Variants in KLRC2 observed in about 807,000 individuals in gnomAD.
KLRC2 encodes NKG2-C type II integral membrane protein.
Under a neutral mutation model 25.5 loss-of-function variants are expected in KLRC2, and 10 were observed. That is an observed-to-expected ratio of 0.39 (90% CI 0.24 to 0.67). The LOEUF (loss-of-function observed/expected upper bound fraction) is 0.67, where lower values mean the gene tolerates loss of function less well. Ranked by LOEUF, KLRC2 falls within the 30% of genes least tolerant of loss-of-function variation. The pLI is 0.45. For synonymous variants in KLRC2, 48 were observed against 93.3 expected (o/e 0.51, Z 2.80); for missense variants, 170 against 272.8 (o/e 0.62, Z 2.65).
Position 10,432,160 on chromosome 12 carries a change from C to G in KLRC2, c.530G>C (p.Arg177Pro). ...CACCCATGGATGATGACTGCTGTTA[C>G]GAAACACACCAATCCATGAGGAAGG... ...ILPSSWIGVF[R>P]NSSHHPWVTI... The change falls in exon 5 of 6, where the codon CGT becomes CCT. Residue 177 changes from arginine to proline, a missense_variant. This residue lies in a region of KLRC2 where 129 missense variants were observed against 150.2 expected (regional missense o/e 0.86). Transcript: ENST00000381902. The G allele has an allele frequency of 6.6e-7, 1 of 1,519,612 alleles. No individual in the cohort carries two copies. Among genetic ancestry groups the G allele is most frequent in the Non-Finnish European group, 8.9e-7 (1 of 1,118,600 alleles). 94.1% of individuals were successfully genotyped at this position (1,519,612 alleles called of 1,614,324 possible).
rs1863808934 is a variant in KLRC2 at position 10,431,259 on chromosome 12, C to T, written c.585-31G>A. 6 of 1,516,550 alleles carry T rather than the reference C, an allele frequency of 4.0e-6. 1 individual carries two copies. In the East Asian group the frequency reaches 1.5e-4, roughly 37 times the overall value. The allele number at this position is 1,516,550 out of a possible 1,614,324, so 93.9% of individuals were successfully genotyped here. A position where few individuals can be genotyped will look rare whatever the true frequency, so the allele number is the denominator to read the frequency against. On this transcript the variant is annotated intron_variant, in intron 5 of 5. Transcript: ENST00000381902. ...ATGGAGAAAAATCCATTTTCTGTTACATTTTAAGCAAATGATTCATGAGAC... is the reference window on the plus strand; with the variant it reads ...ATGGAGAAAAATCCATTTTCTGTTATATTTTAAGCAAATGATTCATGAGAC...
At chr12:10,432,807 A>G (rs1241333958) in intron 4 of KLRC2, among the ~76,000 whole-genome samples, 1 of 134,722 alleles carries the variant, frequency 7.4e-6, no homozygotes, top group East Asian at 2.3e-4. Flanking sequence ...GAAAGATGAA[A>G]TTGTCTGGGA....
chr12:10,432,552 G>C (rs1863826735), intron 4 of KLRC2, among the ~76,000 whole-genome samples: 2 of 134,662 alleles, frequency 1.5e-5, no homozygotes, highest in Admixed American at 1.5e-4. Flanking sequence ...ATTTAGAAGG[G>C]AATTGAGGGG....
chr12:10,433,769 G>T lies in KLRC2; in HGVS notation c.483+22C>A, dbSNP rs1237236157. ...CACTGAAGGAAGCTTTTCATAAAAT[G>T]TTTGAAACATTTACATCTTACCATT... On this transcript the variant is annotated intron_variant, in intron 4 of 5. Coordinates refer to ENST00000381902, the MANE Select transcript of KLRC2 (RefSeq NM_002260.4). The T allele has an allele frequency of 2.6e-6, 4 of 1,543,058 alleles. 1 individual carries two copies. Among genetic ancestry groups the T allele is most frequent in the Non-Finnish European group, 3.5e-6 (4 of 1,131,242 alleles).
chr12:10,435,050 A>T lies in KLRC2; in HGVS notation c.286+262T>A, dbSNP rs1371148855. On this transcript the variant is annotated intron_variant, in intron 2 of 5. Coordinates refer to ENST00000381902, the MANE Select transcript of KLRC2 (RefSeq NM_002260.4). The stretch of plus-strand genomic sequence containing the variant: ...TGTTCTGCTCCAGGACTGTAACAGA[A>T]AAATTAAAATGATTTTTATAAAAAG... The T allele has an allele frequency of 5.7e-5, 63 of 1,097,166 alleles. 2 individuals carry two copies. Among genetic ancestry groups the T allele is most frequent in the Non-Finnish European group, 7.1e-5 (59 of 832,794 alleles). 68.0% of individuals were successfully genotyped at this position (1,097,166 alleles called of 1,614,324 possible).
rs1278440084 is a variant in KLRC2, at chr12:10,432,994, T to A, written c.484-788A>T. ...AGGCTGGTGCCACTGGCAAGGATGATCTACCAGGAGACCTGCTACCAATAT... is the reference window on the plus strand; with the variant it reads ...AGGCTGGTGCCACTGGCAAGGATGAACTACCAGGAGACCTGCTACCAATAT... On this transcript the variant is annotated intron_variant, in intron 4 of 5. Coordinates refer to ENST00000381902, the MANE Select transcript of KLRC2 (RefSeq NM_002260.4). Among the ~76,000 whole-genome samples the A allele has an allele frequency of 5.0e-5, 7 of 140,506 alleles. 2 individuals are homozygous for A. The highest frequency in any genetic ancestry group is 1.1e-4 in the Non-Finnish European group (7 of 64,276). The allele number at this position is 140,506 out of a possible 152,430, so 92.2% of individuals were successfully genotyped here.
chr12:10,432,028 C>T (rs1271910752), intron 5 of KLRC2, 78 bp downstream of exon 5: 10 of 1,136,862 alleles, frequency 8.8e-6, no homozygotes, highest in South Asian at 5.9e-5. Flanking sequence ...AATGATTCCA[C>T]ATAAATTTAT....
At chr12:10,431,989 C>A in intron 5 of KLRC2, 117 bp downstream of exon 5, 2 of 915,530 alleles carry the variant, frequency 2.2e-6, no homozygotes, top group Non-Finnish European at 3.1e-6. Context: ...ATCAACATTT[C>A]ACTAACTTTC....
rs879127488 is a variant in KLRC2, at chr12:10,431,935, G to A, written c.584+171C>T. The stretch of plus-strand genomic sequence containing the variant: ...GAAGGTTACTAGCAGACCAATGAGC[G>A]GTTGAAATATATGGACTACTATGGT... On this transcript the variant is annotated intron_variant, in intron 5 of 5. Transcript: ENST00000381902. Among the ~76,000 whole-genome samples, 12 of 140,866 alleles carry A rather than the reference G, an allele frequency of 8.5e-5. 2 individuals carry two copies. The highest frequency in any genetic ancestry group is 6.3e-4 in the Admixed American group (9 of 14,370). 92.4% of individuals were successfully genotyped at this position (140,866 alleles called of 152,430 possible). A position where few individuals can be genotyped will look rare whatever the true frequency, so the allele number is the denominator to read the frequency against.
intron 4 of KLRC2, among the ~76,000 whole-genome samples, chr12:10,432,817 A>T (rs1217024690): frequency 7.4e-6 from 1 of 134,596 alleles, no homozygotes; most frequent in African/African-American, 2.9e-5. Context: ...ATTGTCTGGG[A>T]CCCTAGCATC....
intron 5 of KLRC2, 111 bp downstream of exon 5, chr12:10,431,995 C>A (rs1290967287): frequency 2.1e-6 from 2 of 959,256 alleles, no homozygotes; most frequent in East Asian, 6.5e-5. Flanking sequence ...ATTTCACTAA[C>A]TTTCCACATC....
rs28403159 is a variant in KLRC2 at position 10,435,982 on chromosome 12, T to A, written c.5A>T (p.Asn2Ile). The change falls in exon 1 of 6, where the codon AAT (asparagine) becomes ATT (isoleucine). Residue 2 changes from asparagine to isoleucine, a missense_variant. Around this residue, in one of 3 missense-constraint regions of KLRC2, gnomAD observed 37 missense variants for 68.0 expected, o/e 0.54. Transcript: ENST00000381902. ...TTCTGAGAAGGTTCCTCTTTGTTTA[T>A]TCATCTCTGCAGCTGTGTGATGTGA... M[N>I]KQRGTFSEVS... 7.1e-7 allele frequency: 1 copy of A among 1,416,574 alleles called. No individual in the cohort carries two copies. Among genetic ancestry groups the A allele is most frequent in the African/African-American group, 1.4e-5 (1 of 69,006 alleles). 87.8% of individuals were successfully genotyped at this position (1,416,574 alleles called of 1,614,324 possible).
chr12:10,431,992 T>C, intron 5 of KLRC2, 114 bp downstream of exon 5: 1 of 944,306 alleles, frequency 1.1e-6, no homozygotes, highest in South Asian at 1.8e-5. Context: ...AACATTTCAC[T>C]AACTTTCCAC....
Position 10,434,094 on chromosome 12 carries a change from T to G in KLRC2, c.332-152A>C. The G allele has an allele frequency of 1.6e-6, 2 of 1,219,888 alleles. 1 individual carries two copies. Among genetic ancestry groups the G allele is most frequent in the Middle Eastern group, 4.1e-4 (2 of 4,904 alleles). The allele number at this position is 1,219,888 out of a possible 1,614,324, so 75.6% of individuals were successfully genotyped here. A position where few individuals can be genotyped will look rare whatever the true frequency, so the allele number is the denominator to read the frequency against. On this transcript the variant is annotated intron_variant, in intron 3 of 5. Coordinates refer to ENST00000381902, the MANE Select transcript of KLRC2 (RefSeq NM_002260.4). ...TGTATATTTTTAATAACTGAGTCAG[T>G]CATACACACATGCACAGACAAGGGT...
At position 10,433,095 on chromosome 12, in the gene KLRC2, AC is replaced by A. The variant is rs200431542; in HGVS notation, c.483+695del. ...GTGGATGAGGAGGATCAGCAAAGGGACCCCATGACTAACAGTGCACCGTAAA... is the reference window on the plus strand; with the variant it reads ...GTGGATGAGGAGGATCAGCAAAGGGACCCATGACTAACAGTGCACCGTAAA... On this transcript the variant is annotated intron_variant, in intron 4 of 5. Transcript: ENST00000381902. 7.4e-4 allele frequency among the ~76,000 whole-genome samples: 104 copies of A among 140,872 alleles called. 16 individuals carry two copies. The East Asian group carries it at 0.021, about 28-fold the overall frequency. 92.4% of individuals were successfully genotyped at this position (140,872 alleles called of 152,430 possible).
chr12:10,433,656 GTCAA>G lies in KLRC2; in HGVS notation c.483+131_483+134del. 3.0e-6 allele frequency: 3 copies of G among 1,011,134 alleles called. 1 individual carries two copies. Among genetic ancestry groups the G allele is most frequent in the South Asian group, 3.4e-5 (2 of 58,902 alleles). 62.6% of individuals were successfully genotyped at this position (1,011,134 alleles called of 1,614,324 possible). ...TATATAACTTTAAAAACATTATTAA[GTCAA>G]TCAATTGAATATTACATACACTTGA... On this transcript the variant is annotated intron_variant, in intron 4 of 5. Coordinates refer to ENST00000381902, the MANE Select transcript of KLRC2 (RefSeq NM_002260.4).
At position 10,433,803 on chromosome 12, in the gene KLRC2, A is replaced by G. The variant is rs1863840408; in HGVS notation, c.471T>C (p.Asn157=). ...SKNSSLLSID[N]EEEMKFLASI... Reference sequence around the variant, plus strand: ...ATTTACATCTTACCATTTCTTCTTCATTATCTATAGAAAGCAGACTGGAGT... The same window carrying G: ...ATTTACATCTTACCATTTCTTCTTCGTTATCTATAGAAAGCAGACTGGAGT... The change falls in exon 4 of 6, where the codon AAT becomes AAC. Residue 157 remains asparagine (N), a synonymous_variant. Coordinates refer to ENST00000381902, the MANE Select transcript of KLRC2 (RefSeq NM_002260.4). 4 of 1,549,064 alleles carry G rather than the reference A, an allele frequency of 2.6e-6. No individual in the cohort carries two copies. In the Admixed American group the frequency reaches 5.1e-5, roughly 20 times the overall value.
At chr12:10,432,744 C>T (rs1863829154) in intron 4 of KLRC2, among the ~76,000 whole-genome samples, 1 of 132,028 alleles carries the variant, frequency 7.6e-6, no homozygotes, top group Admixed American at 7.5e-5. Context: ...CAACTATAAA[C>T]TCTGGGATTA....
At chr12:10,434,041 T>A in intron 3 of KLRC2, 99 bp from the exon 4 acceptor site, 1 of 1,436,962 alleles carries the variant, frequency 7.0e-7, no homozygotes. Context: ...GTGCTTAACA[T>A]ATTTACGCAT....
Sources: gnomAD v4.1 joint callset for allele counts (sites outside exome capture counted in the v4.1 genomes callset) on GRCh38, gnomAD v4.1.1 for gene constraint, gnomAD v4.1.1 regional missense constraint, MANE v1.5 for transcripts, NCBI Gene and HGNC (gene_info 2026-07-23, HGNC 2026-07-21) for gene names.